The following NAAA variants were observed in gnomAD, a reference collection of about 807,000 sequenced individuals.
NAAA encodes the protein N-acylethanolamine-hydrolyzing acid amidase.
Under a neutral mutation model 44.8 loss-of-function variants are expected in NAAA, and 39 were observed. That is an observed-to-expected ratio of 0.87 (90% CI 0.67 to 1.14). NAAA has a LOEUF of 1.14. NAAA is among the 50% of genes most tolerant of loss of function. NAAA has a pLI of 0.00. For synonymous variants in NAAA, 178 were observed against 191.3 expected (o/e 0.93, Z 0.58); for missense variants, 460 against 467.8 (o/e 0.98, Z 0.15).
chr4:75,939,997 T>C lies in NAAA; in HGVS notation c.371+4A>G, dbSNP rs1202407377. 30 of 1,613,262 alleles carry C rather than the reference T, an allele frequency of 1.9e-5. No individual in the cohort carries two copies. The highest frequency in any genetic ancestry group is 2.4e-5 in the Non-Finnish European group (28 of 1,179,714). On this transcript the variant is annotated splice_donor_region_variant and intron_variant, in intron 2 of 10. Coordinates refer to ENST00000286733, the MANE Select transcript of NAAA (RefSeq NM_014435.4). ...GTTACTCCGCGCGGGCTTGGGGCAC[T>C]CACACGGAGGACTCGTAGGCCAGGT...
chr4:75,912,468 C>T (rs554848014), downstream of NAAA, among the ~76,000 whole-genome samples: 3 of 151,618 alleles, frequency 2.0e-5, no homozygotes, highest in Admixed American at 1.3e-4. Context: ...GCAGTAGAAT[C>T]GCTTGAACCC....
Position 75,931,298 on chromosome 4 carries a change from A to G in NAAA, c.505T>C (p.Phe169Leu). The stretch of plus-strand genomic sequence containing the variant: ...TAGCCAATAAAAGTAGTTCCTGTGA[A>G]TGCAATCTGAAATCAAGAGATAACA... ...VQFLKNGQIAFTGTTFIGYVG... is the reference protein window; with the variant it reads ...VQFLKNGQIALTGTTFIGYVG... The change falls in exon 4 of 11, where the codon TTC becomes CTC. Residue 169 changes from phenylalanine (F) to leucine (L), a missense_variant. Phe to Leu is a conservative substitution (Grantham distance 22, BLOSUM62 0). Coordinates refer to ENST00000286733, the MANE Select transcript of NAAA (RefSeq NM_014435.4). 2.5e-6 allele frequency: 4 copies of G among 1,609,328 alleles called. No individual in the cohort carries two copies. The highest frequency in any genetic ancestry group is 3.4e-6 in the Non-Finnish European group (4 of 1,175,960).
intron 3 of NAAA, among the ~76,000 whole-genome samples, chr4:75,931,848 G>T (rs1351830961): frequency 6.6e-6 from 1 of 152,122 alleles, no homozygotes; most frequent in Non-Finnish European, 1.5e-5. Context: ...TTTATTTTAT[G>T]TATTTATAAA....
At chr4:75,933,074 G>A (rs1168979365) in intron 3 of NAAA, among the ~76,000 whole-genome samples, 1 of 148,720 alleles carries the variant, frequency 6.7e-6, no homozygotes, top group African/African-American at 2.5e-5. Context: ...GGTAGAGGTT[G>A]CCGTGAGCCA....
chr4:75,927,732 C>A (rs895067942), intron 4 of NAAA, among the ~76,000 whole-genome samples: 2 of 141,526 alleles, frequency 1.4e-5, no homozygotes, highest in African/African-American at 5.4e-5. Context: ...TTAGATTGTG[C>A]ACACATGATC....
At chr4:75,913,596 A>G, downstream of NAAA, 1 of 811,784 alleles carries the variant, frequency 1.2e-6, no homozygotes, top group Non-Finnish European at 1.5e-6. Flanking sequence ...TTGCTTTCTC[A>G]GGACAGCAGT....
At chr4:75,921,836 G>A (rs777452779) in intron 5 of NAAA, among the ~76,000 whole-genome samples, 10 of 152,278 alleles carry the variant, frequency 6.6e-5, no homozygotes, top group Middle Eastern at 3.4e-3. Flanking sequence ...CTACATTAGC[G>A]CCCTGAGCTT....
At position 75,920,951 on chromosome 4, in the gene NAAA, GC is replaced by G; in HGVS notation, c.838del (p.Ala280ArgfsTer61). 17 of 1,613,564 alleles carry G rather than the reference GC, an allele frequency of 1.1e-5. No homozygotes were observed. The highest frequency in any genetic ancestry group is 1.4e-5 in the Non-Finnish European group (17 of 1,179,938). ...GACCAGAGCTTTCAATTCTACTTACGCTCCATTCAAAGGATCTAGAGGCCAA... is the reference window on the plus strand; with the variant it reads ...GACCAGAGCTTTCAATTCTACTTACGTCCATTCAAAGGATCTAGAGGCCAA... ...DIWPLDPLNG[A>X]WFRVETNYDH... On this transcript the variant is annotated frameshift_variant and splice_region_variant, in exon 6 of 11. Transcript: ENST00000286733. LOFTEE classifies it high-confidence loss of function.
intron 3 of NAAA, chr4:75,935,893 C>A: frequency 1.7e-6 from 1 of 602,544 alleles, no homozygotes; most frequent in Non-Finnish European, 2.9e-6. Flanking sequence ...AACTGGGTGA[C>A]CTCTTTAAGT....
At chr4:75,925,277 C>T (rs901908841) in intron 5 of NAAA, among the ~76,000 whole-genome samples, 2 of 152,048 alleles carry the variant, frequency 1.3e-5, no homozygotes, top group African/African-American at 2.4e-5. Context: ...CCTCGAGATC[C>T]ACCCTCCTTG....
chr4:75,936,260 T>C (rs1041155119), intron 2 of NAAA, 25 bp from the exon 3 acceptor site: 1 of 1,602,528 alleles, frequency 6.2e-7, no homozygotes, highest in African/African-American at 1.4e-5. Flanking sequence ...AAGTCCAACA[T>C]GAATGAATAA....
intron 3 of NAAA, among the ~76,000 whole-genome samples, chr4:75,933,526 G>A (rs1578078906): frequency 6.6e-6 from 1 of 151,964 alleles, no homozygotes; most frequent in East Asian, 1.9e-4. Context: ...TGATCGTCAG[G>A]GTCACTCTTG....
intron 8 of NAAA, among the ~76,000 whole-genome samples, chr4:75,919,104 T>C (rs969576277): frequency 1.3e-5 from 2 of 152,146 alleles, no homozygotes; most frequent in African/African-American, 2.4e-5. Flanking sequence ...TGCAGTGGCA[T>C]GATCTTGGTT....
chr4:75,914,296 T>C lies in NAAA; in HGVS notation c.*79A>G. The stretch of plus-strand genomic sequence containing the variant: ...CAATACTTTCACTTTGTCTTATTTT[T>C]TAAGGTGCAGCTCTTCAAGAATTTC... On this transcript the variant is annotated 3_prime_UTR_variant, in exon 11 of 11. Transcript: ENST00000286733. 1 of 985,474 alleles carries C rather than the reference T, an allele frequency of 1.0e-6. No individual in the cohort carries two copies. The highest frequency in any genetic ancestry group is 1.2e-6 in the Non-Finnish European group (1 of 829,578). 61.0% of individuals were successfully genotyped at this position (985,474 alleles called of 1,614,324 possible). A position where few individuals can be genotyped will look rare whatever the true frequency, so the allele number is the denominator to read the frequency against.
At chr4:75,937,039 A>G (rs1015247482) in intron 2 of NAAA, among the ~76,000 whole-genome samples, 1 of 152,128 alleles carries the variant, frequency 6.6e-6, no homozygotes, top group African/African-American at 2.4e-5. Context: ...TTACTTTTCT[A>G]CATTTACTGA....
chr4:75,921,549 T>A (rs1419840131), intron 5 of NAAA, among the ~76,000 whole-genome samples: 2 of 152,176 alleles, frequency 1.3e-5, no homozygotes, highest in Non-Finnish European at 2.9e-5. Context: ...TCCCCAAGCC[T>A]CTGAGGAAGA....
At chr4:75,917,986 A>G (rs1050882924) in intron 9 of NAAA, among the ~76,000 whole-genome samples, 9 of 152,166 alleles carry the variant, frequency 5.9e-5, no homozygotes, top group African/African-American at 1.2e-4. Flanking sequence ...AGGTATTCAG[A>G]ATTTATTTCT....
At chr4:75,922,128 G>A (rs147033195) in intron 5 of NAAA, among the ~76,000 whole-genome samples, 28 of 152,174 alleles carry the variant, frequency 1.8e-4, no homozygotes, top group Non-Finnish European at 3.2e-4. Context: ...TCAAACAAAA[G>A]AACAATTCAA....
rs770483833 is a variant in NAAA, at chr4:75,940,778, C to T, written c.172G>A (p.Asp58Asn). The change falls in exon 1 of 11, where the codon GAC (aspartate) becomes AAC (asparagine). Residue 58 changes from aspartate to asparagine, a missense_variant. By Grantham distance (23) the Asp-to-Asn change is conservative. Transcript: ENST00000286733. ...WLPVLRHYDL[D>N]LVRAAMAQVI... is the part of the protein sequence containing the mutation. ...TGCGCCATCGCGGCGCGCACCAAGT[C>T]CAAGTCGTAGTGCCGCAGCACGGGC... The T allele has an allele frequency of 6.9e-6, 11 of 1,598,948 alleles. No individual in the cohort carries two copies. The South Asian group carries it at 1.1e-4, about 16-fold the overall frequency.
Sources: gnomAD v4.1 joint callset for allele counts (sites outside exome capture counted in the v4.1 genomes callset) on GRCh38, gnomAD v4.1.1 for gene constraint, MANE v1.5 for transcripts, NCBI Gene and HGNC (gene_info 2026-07-23, HGNC 2026-07-21) for gene names.